Variants in KAZN observed in about 807,000 individuals in gnomAD.
KAZN encodes the protein kazrin, periplakin interacting protein, also known as kazrin.
In KAZN, 40 loss-of-function variants were observed where a neutral mutation model predicts 87.4. The observed-to-expected ratio is 0.46, with a 90% CI of 0.36 to 0.60. The LOEUF is 0.60. KAZN is among the 20% of genes least tolerant of loss of function. KAZN has a pLI of 0.00. For synonymous variants in KAZN, 466 were observed against 458.3 expected (o/e 1.02, Z -0.22); for missense variants, 898 against 1,073.9 (o/e 0.84, Z 2.29).
At chr1:14,558,990 A>G (rs1233495966) in intron 2 of KAZN, among the ~76,000 whole-genome samples, 1 of 151,930 alleles carries the variant, frequency 6.6e-6, no homozygotes, top group African/African-American at 2.4e-5. Context: ...CTGCCCTTTG[A>G]TCTTGCCCAT....
intron 2 of KAZN, among the ~76,000 whole-genome samples, chr1:14,435,863 A>T (rs1045758914): frequency 2.0e-5 from 3 of 152,180 alleles, no homozygotes; most frequent in Non-Finnish European, 4.4e-5. Context: ...GCCTAACGAT[A>T]TCTTAGAATG....
At chr1:14,291,420 G>A (rs1009781967) in intron 2 of KAZN, among the ~76,000 whole-genome samples, 12 of 152,284 alleles carry the variant, frequency 7.9e-5, no homozygotes, top group African/African-American at 2.4e-4. Context: ...CCAGGTTGCC[G>A]CCTTGCAATT....
chr1:14,183,896 G>A (rs2100328312), intron 2 of KAZN, among the ~76,000 whole-genome samples: 1 of 135,936 alleles, frequency 7.4e-6, no homozygotes, highest in East Asian at 2.2e-4. Context: ...GAGAGTCTGT[G>A]CTCTGCTGAC....
chr1:14,743,258 T>A (rs1256820702), intron 1 of KAZN, among the ~76,000 whole-genome samples: 1 of 151,928 alleles, frequency 6.6e-6, no homozygotes, highest in East Asian at 1.9e-4. Context: ...ATGGTGAAAC[T>A]GTCTCAACTA....
intron 2 of KAZN, among the ~76,000 whole-genome samples, chr1:14,206,129 C>T (rs1031384189): frequency 2.0e-5 from 3 of 152,034 alleles, no homozygotes; most frequent in African/African-American, 4.8e-5. Flanking sequence ...ATTACAGAAT[C>T]AAATTTCTCA....
At chr1:14,463,866 C>G (rs4233527) in intron 2 of KAZN, among the ~76,000 whole-genome samples, 1 of 151,948 alleles carries the variant, frequency 6.6e-6, no homozygotes, top group Admixed American at 6.6e-5. Flanking sequence ...GTCAGAGATA[C>G]CTCCCCTGCC....
chr1:14,889,842 G>A (rs1654507296), intron 1 of KAZN, among the ~76,000 whole-genome samples: 1 of 152,196 alleles, frequency 6.6e-6, no homozygotes, highest in African/African-American at 2.4e-5. Context: ...TGAGCAGTTG[G>A]GACAGAGACC....
chr1:14,821,099 G>A lies in KAZN; in HGVS notation c.227-139585G>A, dbSNP rs376514486. Among the ~76,000 whole-genome samples the A allele has an allele frequency of 2.6e-5, 4 of 152,314 alleles. No individual in the cohort carries two copies. In the East Asian group the frequency reaches 5.8e-4, roughly 22 times the overall value. On this transcript the variant is annotated intron_variant, in intron 1 of 14. Transcript: ENST00000376030. Reference sequence around the variant, plus strand: ...AAATAGTAGAGGCTGGAAGAAAAATGGATGGGGAAGAAGTGAGCTTGAAAG... The same window carrying A: ...AAATAGTAGAGGCTGGAAGAAAAATAGATGGGGAAGAAGTGAGCTTGAAAG...
At chr1:13,928,233 A>C (rs12126232) in intron 1 of KAZN, among the ~76,000 whole-genome samples, 14,478 of 152,226 alleles carry the variant, frequency 0.095, 938 homozygotes, top group South Asian at 0.21. Context: ...TCATATAGTT[A>C]AGAAACTTGG....
At chr1:14,895,324 C>A (rs186400631) in intron 1 of KAZN, among the ~76,000 whole-genome samples, 1 of 152,356 alleles carries the variant, frequency 6.6e-6, no homozygotes, top group Admixed American at 6.5e-5. Flanking sequence ...CTCTGCCAGC[C>A]AGGAAACGCA....
intron 1 of KAZN, among the ~76,000 whole-genome samples, chr1:13,897,324 A>G (rs72871365): frequency 0.019 from 2,889 of 152,302 alleles, 101 homozygotes; most frequent in African/African-American, 0.066. Flanking sequence ...GAAGCACAGA[A>G]TGGGGTTAGA....
intron 1 of KAZN, chr1:14,924,459 C>T (rs1658922813): frequency 3.0e-6 from 3 of 989,582 alleles, no homozygotes; most frequent in South Asian, 9.0e-5. Context: ...GCCGGGCCCG[C>T]GCGGCCCCCG....
At chr1:14,465,996 G>A (rs1668105116) in intron 2 of KAZN, among the ~76,000 whole-genome samples, 1 of 152,118 alleles carries the variant, frequency 6.6e-6, no homozygotes, top group Non-Finnish European at 1.5e-5. Context: ...GCAGCATTCA[G>A]TACAGCAACA....
At chr1:14,784,595 C>CA (rs1481422393) in intron 1 of KAZN, among the ~76,000 whole-genome samples, 1 of 152,082 alleles carries the variant, frequency 6.6e-6, no homozygotes, top group East Asian at 1.9e-4. Flanking sequence ...CCCGTCTCTA[C>CA]AAAAAATACA....
chr1:14,329,448 T>A (rs140385583), intron 2 of KAZN, among the ~76,000 whole-genome samples: 1 of 152,288 alleles, frequency 6.6e-6, no homozygotes, highest in African/African-American at 2.4e-5. Context: ...CAATGAGAAA[T>A]ATCCACTATA....
intron 1 of KAZN, among the ~76,000 whole-genome samples, chr1:14,679,831 C>T (rs1223283030): frequency 2.0e-5 from 3 of 152,142 alleles, no homozygotes; most frequent in Admixed American, 6.5e-5. Flanking sequence ...ACCACTGGGG[C>T]GCCTCAGAAT....
Position 14,650,928 on chromosome 1 carries a change from C to A in KAZN, c.226+51705C>A, listed in dbSNP as rs1036007283. On this transcript the variant is annotated intron_variant, in intron 1 of 14. Coordinates refer to ENST00000376030, the MANE Select transcript of KAZN (RefSeq NM_201628.3). ...AGAAAACAAATTGAATACTGACTTT[C>A]CCAAATGCTACCCATGCATATAGAG... Among the ~76,000 whole-genome samples, 15 of 152,270 alleles carry A rather than the reference C, an allele frequency of 9.9e-5. No individual in the cohort carries two copies. In the South Asian group the frequency reaches 1.0e-3, roughly 11 times the overall value.
chr1:14,101,310 T>A (rs780702876), intron 1 of KAZN, among the ~76,000 whole-genome samples: 2 of 152,226 alleles, frequency 1.3e-5, no homozygotes, highest in African/African-American at 2.4e-5. Context: ...ATAAACCAAA[T>A]TCACCATTTG....
rs77777514 is a variant in KAZN, at chr1:14,574,850, G to A, written c.250-24133G>A. 6.6e-4 allele frequency among the ~76,000 whole-genome samples: 101 copies of A among 152,308 alleles called. No homozygotes were observed. The East Asian group carries it at 0.013, about 19-fold the overall frequency. ...AGAGGAAGTGTGGTGGTGGAAGGGC[G>A]TCAGGGATGCTCAGAGCGCACAGAG... On this transcript the variant is annotated intron_variant, in intron 2 of 16. Coordinates refer to the KAZN transcript ENST00000636203.
Sources: allele counts gnomAD v4.1 joint callset (sites outside exome capture counted in the v4.1 genomes callset), GRCh38; gene constraint gnomAD v4.1.1; transcripts MANE v1.5; gene names NCBI Gene and HGNC (gene_info 2026-07-23, HGNC 2026-07-21).